Variants in KLHDC3 observed in about 807,000 individuals in gnomAD.
The protein encoded by KLHDC3 is kelch domain containing 3, also known as kelch domain-containing protein 3.
A neutral mutation model predicts 44.1 loss-of-function variants in KLHDC3; 5 were observed. The ratio of observed to expected loss-of-function variants is 0.11; its 90% confidence interval spans 0.06 to 0.24. The LOEUF (loss-of-function observed/expected upper bound fraction) is 0.24, where lower values mean the gene tolerates loss of function less well. Ranked by LOEUF, KLHDC3 falls within the 10% of genes least tolerant of loss-of-function variation. The pLI is 1.00. For missense variants in KLHDC3, 247 were observed against 514.3 expected, an observed-to-expected ratio of 0.48 and a Z score of 5.03; for synonymous variants, 170 against 189.0, an observed-to-expected ratio of 0.90 and a Z score of 0.82.
In KLHDC3 at chr6:43,014,465, TA is replaced by T. The variant is rs541073857; in HGVS notation, c.-60+118del. ...GATGAGGTGGGGGTGGGGAGGGAGCTAGGGGGATGATGGGAAAGGAGAGTGT... is the reference window on the plus strand; with the variant it reads ...GATGAGGTGGGGGTGGGGAGGGAGCTGGGGGATGATGGGAAAGGAGAGTGT... On this transcript the variant is annotated intron_variant, in intron 1 of 10. Transcript: ENST00000326974. 4.6e-3 allele frequency: 2,245 copies of T among 486,718 alleles called. 13 individuals carry two copies. The highest frequency in any genetic ancestry group is 7.0e-3 in the Non-Finnish European group (1,804 of 257,784). The allele number at this position is 486,718 out of a possible 1,614,324, so 30.1% of individuals were successfully genotyped here.
chr6:43,019,957 A>G (rs1055913494), intron 10 of KLHDC3, among the ~76,000 whole-genome samples: 2 of 152,130 alleles, frequency 1.3e-5, no homozygotes, highest in African/African-American at 2.4e-5. Flanking sequence ...TGGGCAAATC[A>G]GTTGAGGTCA....
chr6:43,016,338 C>T (rs1762572943), intron 1 of KLHDC3: 1 of 152,240 alleles, frequency 6.6e-6, no homozygotes, highest in Admixed American at 6.5e-5. Context: ...TGTTCTCTAC[C>T]ACAGTAGCAG....
rs993158487 is a variant in KLHDC3, at chr6:43,018,879, A to G, written c.837A>G (p.Lys279=). The change falls in exon 8 of 11, where the codon AAA becomes AAG. Residue 279 remains lysine, a synonymous_variant. Coordinates refer to ENST00000326974, the MANE Select transcript of KLHDC3 (RefSeq NM_057161.4). This position sits in a 1 kb window ranked among gnomAD's most constrained non-coding sequence, Gnocchi z 6.0. ...TCTCTTCAGTGTCCTTTACCTGGAA[A>G]AAGATTGAACCGAAGGGGAAGGGGC... ...WKFNPVSFTW[K]KIEPKGKGPC... 4.3e-6 allele frequency: 7 copies of G among 1,610,228 alleles called. No homozygotes were observed. In the African/African-American group the frequency reaches 6.7e-5, roughly 15 times the overall value.
intron 1 of KLHDC3, 152 bp from the exon 2 acceptor site, chr6:43,016,982 G>A (rs997456939): frequency 2.0e-5 from 12 of 611,414 alleles, no homozygotes; most frequent in Non-Finnish European, 3.1e-5. Flanking sequence ...GGCAGGGCCA[G>A]CCACCTGAGC....
chr6:43,016,868 T>C (rs929426878), intron 1 of KLHDC3: 3 of 361,432 alleles, frequency 8.3e-6, no homozygotes, highest in Admixed American at 4.4e-5. Flanking sequence ...GTTGTGACCA[T>C]GATATGCAGA....
In KLHDC3 at chr6:43,020,797, TCACC is replaced by T; in HGVS notation, c.*69_*72del. ...CATCTTCACTGCCCCTGCCCATCTG[TCACC>T]CACCTGCTCCTTTGACCCCTGGACT... On this transcript the variant is annotated 3_prime_UTR_variant, in exon 11 of 11. Coordinates refer to ENST00000326974, the MANE Select transcript of KLHDC3 (RefSeq NM_057161.4). 1 of 1,271,130 alleles carries T rather than the reference TCACC, an allele frequency of 7.9e-7. No individual in the cohort carries two copies. The highest frequency in any genetic ancestry group is 1.2e-6 in the Non-Finnish European group (1 of 867,662). 78.7% of individuals were successfully genotyped at this position (1,271,130 alleles called of 1,614,324 possible). A position where few individuals can be genotyped will look rare whatever the true frequency, so the allele number is the denominator to read the frequency against.
At position 43,018,123 on chromosome 6, in the gene KLHDC3, C is replaced by T. The variant is rs374228545; in HGVS notation, c.448-22C>T. 3.0e-5 allele frequency: 48 copies of T among 1,578,902 alleles called. No individual in the cohort carries two copies. Among genetic ancestry groups the T allele is most frequent in the Non-Finnish European group, 3.4e-5 (39 of 1,148,280 alleles). On this transcript the variant is annotated intron_variant, in intron 4 of 10. Transcript: ENST00000326974. The surrounding 1 kb of genome is among the most constrained non-coding windows in gnomAD (Gnocchi z 6.0). ...TGACCATTGGCTCCCTCTTTTCTTC[C>T]TCCTTTTCTCTTCCTACTCAGGCGG... is the stretch of plus-strand genomic sequence containing the variant.
intron 1 of KLHDC3, among the ~76,000 whole-genome samples, chr6:43,014,993 TGAGTTGTTTATATGGCA>T (rs1762526681): frequency 6.6e-6 from 1 of 152,140 alleles, no homozygotes; most frequent in African/African-American, 2.4e-5. Context: ...TCCTTGAATT[TGAGTTGTTTATATGGCA>T]GAGAAACTAA....
chr6:43,014,382 T>G, intron 1 of KLHDC3, 34 bp downstream of exon 1: 1 of 618,114 alleles, frequency 1.6e-6, no homozygotes, highest in Non-Finnish European at 3.0e-6. Flanking sequence ...CAAGGGAGAA[T>G]TAGGGGGCTT....
At chr6:43,015,622 G>T (rs942783608) in intron 1 of KLHDC3, among the ~76,000 whole-genome samples, 2 of 152,060 alleles carry the variant, frequency 1.3e-5, no homozygotes, top group Non-Finnish European at 2.9e-5. Context: ...GACCGAGGAC[G>T]GTGGATCACC....
At chr6:43,019,903 A>G (rs1373383638) in intron 10 of KLHDC3, among the ~76,000 whole-genome samples, 1 of 152,172 alleles carries the variant, frequency 6.6e-6, no homozygotes, top group African/African-American at 2.4e-5. Flanking sequence ...CTGGCTGGGC[A>G]TGGTGGCTCA....
In KLHDC3 at chr6:43,018,751, G is replaced by A. The variant is rs746084796; in HGVS notation, c.820+32G>A. Reference sequence around the variant, plus strand: ...AGCACTGCATTTAGGGCAGGAACAAGGAGCAATTGAGGTGGGAGGAAAAGA... The same window carrying A: ...AGCACTGCATTTAGGGCAGGAACAAAGAGCAATTGAGGTGGGAGGAAAAGA... On this transcript the variant is annotated intron_variant, in intron 7 of 10. Transcript: ENST00000326974. This position sits in a 1 kb window ranked among gnomAD's most constrained non-coding sequence, Gnocchi z 6.0. 3 of 1,598,068 alleles carry A rather than the reference G, an allele frequency of 1.9e-6. No homozygotes were observed. Among genetic ancestry groups the A allele is most frequent in the Non-Finnish European group, 2.6e-6 (3 of 1,165,382 alleles).
chr6:43,017,249 A>G lies in KLHDC3; in HGVS notation c.57A>G (p.Ala19=). 6.2e-7 allele frequency: 1 copy of G among 1,614,190 alleles called. No individual in the cohort carries two copies. ...GGCCCCGCAGGGTGAACCATGCTGCAGTGGCTGTCGGGCATCGGGTATACT... is the reference window on the plus strand; with the variant it reads ...GGCCCCGCAGGGTGAACCATGCTGCGGTGGCTGTCGGGCATCGGGTATACT... The part of the protein sequence containing the change: ...EGGPRRVNHA[A]VAVGHRVYSF... Residue 19 remains alanine, a synonymous_variant, in exon 2 of 11, where the codon GCA becomes GCG. Coordinates refer to ENST00000326974, the MANE Select transcript of KLHDC3 (RefSeq NM_057161.4). This position sits in a 1 kb window ranked among gnomAD's most constrained non-coding sequence, Gnocchi z 6.0.
At chr6:43,019,992 A>G (rs1427106523) in intron 10 of KLHDC3, among the ~76,000 whole-genome samples, 1 of 152,160 alleles carries the variant, frequency 6.6e-6, no homozygotes, top group Non-Finnish European at 1.5e-5. Context: ...TCCTGGCCAC[A>G]TGGTGAAGCC....
At chr6:43,015,484 G>A (rs1459506395) in intron 1 of KLHDC3, among the ~76,000 whole-genome samples, 1 of 152,146 alleles carries the variant, frequency 6.6e-6, no homozygotes, top group African/African-American at 2.4e-5. Flanking sequence ...ATTGTCAGTT[G>A]CAAGGATTTG....
chr6:43,018,454 ATTTACTGCAACCGCATTC>A lies in KLHDC3; in HGVS notation c.632_649del (p.Ile211_Ile216del). On this transcript the variant is annotated inframe_deletion, in exon 6 of 11. Coordinates refer to ENST00000326974, the MANE Select transcript of KLHDC3 (RefSeq NM_057161.4). This position sits in a 1 kb window ranked among gnomAD's most constrained non-coding sequence, Gnocchi z 6.0. ...TGGGCCATTCCATTCCAACAATGAG[ATTTACTGCAACCGCATTC>A]GAGTCTTTGACACCAGAACTGAGGC... 1 of 1,614,068 alleles carries A rather than the reference ATTTACTGCAACCGCATTC, an allele frequency of 6.2e-7. No individual in the cohort carries two copies.
chr6:43,019,317 G>A lies in KLHDC3; in HGVS notation c.1033G>A (p.Ala345Thr). 3 of 1,613,860 alleles carry A rather than the reference G, an allele frequency of 1.9e-6. No homozygotes were observed. The highest frequency in any genetic ancestry group is 2.5e-6 in the Non-Finnish European group (3 of 1,179,826). ...TAGTCTGAAGACTCTGTGCAAACTG[G>A]CCGTGATTCAGTATAACCTAGACCA... The part of the protein sequence containing the change: ...SPSLKTLCKL[A>T]VIQYNLDQSC... The change falls in exon 10 of 11, where the codon GCC becomes ACC. Residue 345 changes from alanine (A) to threonine (T), a missense_variant. Around this residue, in one of 2 missense-constraint regions of KLHDC3, gnomAD observed 176 missense variants for 413.5 expected, o/e 0.43. Coordinates refer to ENST00000326974, the MANE Select transcript of KLHDC3 (RefSeq NM_057161.4).
In KLHDC3 at chr6:43,017,471, G is replaced by A. The variant is rs1762604596; in HGVS notation, c.155-48G>A. On this transcript the variant is annotated intron_variant, in intron 2 of 10. Coordinates refer to ENST00000326974, the MANE Select transcript of KLHDC3 (RefSeq NM_057161.4). This position sits in a 1 kb window ranked among gnomAD's most constrained non-coding sequence, Gnocchi z 6.0. ...ACAAACATCTGGTTTGGGAAAAGTG[G>A]ACAGCCTGGAGGGAGGTTCCCAGGG... 3.8e-6 allele frequency: 6 copies of A among 1,562,476 alleles called. No homozygotes were observed. In the African/African-American group the frequency reaches 6.8e-5, roughly 18 times the overall value.
rs1762671494 is a variant in KLHDC3, at chr6:43,020,659, C to T, written c.1083-8C>T. Reference sequence around the variant, plus strand: ...TCTTCTTTCTGTCTCTTATTGTTGGCCTTCCAGGTGGGAGCTGAATGCCAT... The same window carrying T: ...TCTTCTTTCTGTCTCTTATTGTTGGTCTTCCAGGTGGGAGCTGAATGCCAT... On this transcript the variant is annotated splice_polypyrimidine_tract_variant and splice_region_variant and intron_variant, in intron 10 of 10. Transcript: ENST00000326974. The T allele has an allele frequency of 2.5e-6, 4 of 1,611,562 alleles. No homozygotes were observed. The highest frequency in any genetic ancestry group is 1.3e-5 in the African/African-American group (1 of 74,784).
Sources: allele counts gnomAD v4.1 joint callset (sites outside exome capture counted in the v4.1 genomes callset), GRCh38; gene constraint gnomAD v4.1.1; regional missense constraint gnomAD v4.1.1; non-coding constraint Gnocchi (gnomAD v3.1); transcripts MANE v1.5; gene names NCBI Gene and HGNC (gene_info 2026-07-23, HGNC 2026-07-21).